The following YWHAE variants were observed in gnomAD, a reference collection of about 807,000 sequenced individuals.
The protein encoded by YWHAE is tyrosine 3-monooxygenase/tryptophan 5-monooxygenase activation protein epsilon.
In YWHAE, 4 loss-of-function variants were observed where a neutral mutation model predicts 30.1. That is an observed-to-expected ratio of 0.13 (90% CI 0.07 to 0.30). The LOEUF (loss-of-function observed/expected upper bound fraction) is 0.30. YWHAE is among the 10% of genes least tolerant of loss of function. The pLI, the probability that YWHAE is intolerant of heterozygous loss-of-function variation, is 1.00. For missense variants in YWHAE, 121 were observed against 315.9 expected, an observed-to-expected ratio of 0.38 and a Z score of 4.68; for synonymous variants, 118 against 111.8, an observed-to-expected ratio of 1.06 and a Z score of -0.35.
chr17:1,385,524 C>G (rs1365952207), intron 1 of YWHAE, among the ~76,000 whole-genome samples: 1 of 152,132 alleles, frequency 6.6e-6, no homozygotes, highest in Non-Finnish European at 1.5e-5. Flanking sequence ...GCACCAGGGA[C>G]CAGTTTCGTG....
chr17:1,355,282 G>A lies in YWHAE; in HGVS notation c.579-935C>T, dbSNP rs947751141. 2.1e-5 allele frequency among the ~76,000 whole-genome samples: 3 copies of A among 146,294 alleles called. 1 individual carries two copies. The highest frequency in any genetic ancestry group is 7.6e-5 in the African/African-American group (3 of 39,532). On this transcript the variant is annotated intron_variant, in intron 4 of 5. Transcript: ENST00000264335. Reference sequence around the variant, plus strand: ...CACCATTATCCTGCCTCAGCCTCCCGAGTAGCCGGGACTACAGGCGCCCGC... The same window carrying A: ...CACCATTATCCTGCCTCAGCCTCCCAAGTAGCCGGGACTACAGGCGCCCGC...
rs1301147538 is a variant in YWHAE, at chr17:1,344,453, T to C, written c.*994A>G. The C allele has an allele frequency of 5.4e-6, 1 of 184,022 alleles. No homozygotes were observed. Among genetic ancestry groups the C allele is most frequent in the African/African-American group, 2.3e-5 (1 of 42,598 alleles). The allele number at this position is 184,022 out of a possible 1,614,324, so 11.4% of individuals were successfully genotyped here. A position where few individuals can be genotyped will look rare whatever the true frequency, so the allele number is the denominator to read the frequency against. Reference sequence around the variant, plus strand: ...TATTTATGGAAGAAAAAAGGAGGAATGTTTCACATTCAGGCAAACATAATA... The same window carrying C: ...TATTTATGGAAGAAAAAAGGAGGAACGTTTCACATTCAGGCAAACATAATA... On this transcript the variant is annotated 3_prime_UTR_variant, in exon 6 of 6. Coordinates refer to ENST00000264335, the MANE Select transcript of YWHAE (RefSeq NM_006761.5).
chr17:1,364,803 G>A (rs765805036), intron 2 of YWHAE, 56 bp downstream of exon 2: 60 of 1,596,168 alleles, frequency 3.8e-5, no homozygotes, highest in South Asian at 2.8e-4. Context: ...TAAGTGTACC[G>A]TCCTACAGGT....
chr17:1,359,944 G>T (rs1403302995), intron 4 of YWHAE, among the ~76,000 whole-genome samples: 1 of 74,876 alleles, frequency 1.3e-5, no homozygotes, highest in Non-Finnish European at 2.7e-5. Flanking sequence ...AGGAGGGGGA[G>T]GGGGGGAGAG....
chr17:1,348,263 T>C (rs978994607), intron 5 of YWHAE, among the ~76,000 whole-genome samples: 1 of 152,262 alleles, frequency 6.6e-6, no homozygotes, highest in East Asian at 1.9e-4. Context: ...CTTTGCCCAG[T>C]GTATCTACAT....
intron 1 of YWHAE, among the ~76,000 whole-genome samples, chr17:1,376,943 T>C (rs1439905528): frequency 6.6e-6 from 1 of 151,278 alleles, no homozygotes; most frequent in Non-Finnish European, 1.5e-5. Flanking sequence ...TTTTTTTTTT[T>C]TGAGACAGAG....
chr17:1,371,546 T>C (rs2073042763), intron 1 of YWHAE, among the ~76,000 whole-genome samples: 1 of 152,108 alleles, frequency 6.6e-6, no homozygotes, highest in South Asian at 2.1e-4. Flanking sequence ...GCAGAGTAAA[T>C]TTAGCATGAT....
intron 1 of YWHAE, among the ~76,000 whole-genome samples, chr17:1,368,193 C>A (rs2072975247): frequency 6.6e-6 from 1 of 151,974 alleles, no homozygotes. Flanking sequence ...TCGAGACCAG[C>A]CTGACCAGCA....
chr17:1,366,344 A>G (rs1294517672), intron 1 of YWHAE, among the ~76,000 whole-genome samples: 2 of 152,296 alleles, frequency 1.3e-5, no homozygotes, highest in Non-Finnish European at 2.9e-5. Flanking sequence ...ATTCAAGGCC[A>G]GCCTGGCCAA....
In YWHAE at chr17:1,376,928, C is replaced by CTTT. The variant is rs150653022; in HGVS notation, c.65-11873_65-11871dup. 4.2e-4 allele frequency among the ~76,000 whole-genome samples: 60 copies of CTTT among 142,242 alleles called. 1 individual carries two copies. The highest frequency in any genetic ancestry group is 1.9e-3 in the East Asian group (9 of 4,858). 93.3% of individuals were successfully genotyped at this position (142,242 alleles called of 152,430 possible). ...AAAGCACACAGGGTCATAACCCTAA[C>CTTT]TTTTTTTTTTTTTTTTGAGACAGAG... On this transcript the variant is annotated intron_variant, in intron 1 of 5. Transcript: ENST00000264335.
At chr17:1,365,387 T>A (rs1297759131) in intron 1 of YWHAE, among the ~76,000 whole-genome samples, 1 of 152,142 alleles carries the variant, frequency 6.6e-6, no homozygotes, top group African/African-American at 2.4e-5. Context: ...AAAAATGAGC[T>A]GTCAGTTTAA....
chr17:1,383,304 C>T (rs150362264), intron 1 of YWHAE, among the ~76,000 whole-genome samples: 1 of 151,648 alleles, frequency 6.6e-6, no homozygotes, highest in African/African-American at 2.4e-5. Flanking sequence ...GAGCTGAGAT[C>T]GCGCGATTGC....
At chr17:1,383,400 T>TC (rs1483268288) in intron 1 of YWHAE, among the ~76,000 whole-genome samples, 2 of 151,474 alleles carry the variant, frequency 1.3e-5, no homozygotes, top group African/African-American at 2.4e-5. Context: ...TTTTTTTTTT[T>TC]TTTTTGAGAC....
chr17:1,380,127 T>C (rs2030564252), intron 1 of YWHAE, among the ~76,000 whole-genome samples: 1 of 151,244 alleles, frequency 6.6e-6, no homozygotes, highest in Non-Finnish European at 1.5e-5. Flanking sequence ...TTTTTTTTTT[T>C]TTTTGAGACG....
At chr17:1,370,335 G>A (rs1422427607) in intron 1 of YWHAE, among the ~76,000 whole-genome samples, 7 of 151,788 alleles carry the variant, frequency 4.6e-5, no homozygotes, top group South Asian at 2.1e-4. Flanking sequence ...GTTTCACCAT[G>A]TTAGCCAGGA....
intron 1 of YWHAE, among the ~76,000 whole-genome samples, chr17:1,382,347 CTTTT>C (rs546696128): frequency 8.4e-6 from 1 of 119,312 alleles, no homozygotes; most frequent in East Asian, 2.5e-4. Context: ...CGCGCCCGGC[CTTTT>C]TTTTTTTTTT....
intron 5 of YWHAE, among the ~76,000 whole-genome samples, chr17:1,353,913 C>T (rs1176919339): frequency 1.3e-5 from 2 of 152,088 alleles, no homozygotes; most frequent in African/African-American, 4.8e-5. Flanking sequence ...GATTTAAATA[C>T]ACTTAACTTC....
intron 4 of YWHAE, among the ~76,000 whole-genome samples, chr17:1,355,114 TTTAAAAA>T (rs2072712528): frequency 5.6e-4 from 1 of 1,794 alleles, no homozygotes; most frequent in African/African-American, 1.2e-3. Flanking sequence ...CCCAAGATTT[TTTAAAAA>T]AAAAAAAAAA....
intron 4 of YWHAE, among the ~76,000 whole-genome samples, chr17:1,359,008 C>T (rs553494832): frequency 4.0e-5 from 6 of 151,468 alleles, no homozygotes; most frequent in African/African-American, 9.7e-5. Flanking sequence ...TGGTGGCAGG[C>T]GCCTATAATC....
Sources: gnomAD v4.1 joint callset for allele counts (sites outside exome capture counted in the v4.1 genomes callset) on GRCh38, gnomAD v4.1.1 for gene constraint, MANE v1.5 for transcripts, NCBI Gene and HGNC (gene_info 2026-07-23, HGNC 2026-07-21) for gene names.